The following THSD7A variants were observed in gnomAD, a reference collection of about 807,000 sequenced individuals.
THSD7A encodes thrombospondin type-1 domain-containing protein 7A.
Under a neutral mutation model 231.3 loss-of-function variants are expected in THSD7A, and 96 were observed. That is an observed-to-expected ratio of 0.41 (90% CI 0.35 to 0.49). The LOEUF (loss-of-function observed/expected upper bound fraction) is 0.49. THSD7A is among the 20% of genes least tolerant of loss of function. The probability of loss-of-function intolerance (pLI) is 0.05; values close to 1 mark genes in which losing one functional copy is unlikely to be tolerated. For synonymous variants in THSD7A, 940 were observed against 743.3 expected (o/e 1.26, Z -4.30); for missense variants, 2,290 against 2,070.2 (o/e 1.11, Z -2.06).
At chr7:11,426,550 A>G in intron 15 of THSD7A, 116 bp downstream of exon 15, 1 of 1,157,856 alleles carries the variant, frequency 8.6e-7, no homozygotes, top group Non-Finnish European at 1.2e-6. Context: ...AAAATATGAC[A>G]TTTTCTCCCT....
At chr7:11,403,827 C>T (rs1206583638) in intron 22 of THSD7A, among the ~76,000 whole-genome samples, 2 of 152,144 alleles carry the variant, frequency 1.3e-5, no homozygotes, top group Non-Finnish European at 2.9e-5. Flanking sequence ...TCTATTTTGA[C>T]CATGTAAACC....
chr7:11,460,802 C>CA lies in THSD7A; in HGVS notation c.2502-38dup, dbSNP rs1161615881. 3.9e-6 allele frequency: 6 copies of CA among 1,548,820 alleles called. No homozygotes were observed. The Admixed American group carries it at 7.2e-5, about 19-fold the overall frequency. ...GAACAGAAGCCCAGTGGGGAAGAAG[C>CA]AAAAATGCCAGCAAATCACAGAGAC... On this transcript the variant is annotated intron_variant, in intron 10 of 27. Transcript: ENST00000423059.
intron 1 of THSD7A, among the ~76,000 whole-genome samples, chr7:11,780,997 C>CAAAAAAAAAAAAAAA (rs58931693): frequency 4.9e-4 from 17 of 34,446 alleles, no homozygotes; most frequent in East Asian, 1.0e-3. Context: ...GACTCCGTCT[C>CAAAAAAAAAAAAAAA]AAAAAAAAAA....
intron 6 of THSD7A, among the ~76,000 whole-genome samples, chr7:11,537,567 T>G (rs909289390): frequency 2.6e-5 from 4 of 152,120 alleles, no homozygotes; most frequent in Non-Finnish European, 5.9e-5. Context: ...CCTTCCACCA[T>G]GAGTAAAAGC....
intron 4 of THSD7A, among the ~76,000 whole-genome samples, chr7:11,546,662 T>G (rs965822116): frequency 2.6e-5 from 4 of 152,136 alleles, no homozygotes; most frequent in African/African-American, 9.7e-5. Flanking sequence ...AAAGCCACAG[T>G]GCCTTATTAC....
At chr7:11,725,100 T>C (rs551665800) in intron 1 of THSD7A, among the ~76,000 whole-genome samples, 3 of 152,074 alleles carry the variant, frequency 2.0e-5, no homozygotes, top group South Asian at 2.1e-4. Flanking sequence ...ATAAGATTCA[T>C]TCAAAAAATA....
chr7:11,777,388 A>C (rs1246976747), intron 1 of THSD7A, among the ~76,000 whole-genome samples: 1 of 151,438 alleles, frequency 6.6e-6, no homozygotes, highest in Non-Finnish European at 1.5e-5. Context: ...AGTGTAAAAA[A>C]AACTATGTTT....
intron 7 of THSD7A, among the ~76,000 whole-genome samples, chr7:11,481,339 C>T (rs1786414326): frequency 6.6e-6 from 1 of 152,094 alleles, no homozygotes; most frequent in Non-Finnish European, 1.5e-5. Flanking sequence ...TTTGGTCGAA[C>T]AGTAGCTATT....
chr7:11,516,795 G>A (rs1293753126), intron 6 of THSD7A, among the ~76,000 whole-genome samples: 4 of 152,130 alleles, frequency 2.6e-5, no homozygotes, highest in Non-Finnish European at 5.9e-5. Context: ...GGCACCAGGT[G>A]TATTAAATAA....
intron 2 of THSD7A, among the ~76,000 whole-genome samples, chr7:11,605,788 T>C (rs1780715328): frequency 6.6e-6 from 1 of 152,084 alleles, no homozygotes; most frequent in African/African-American, 2.4e-5. Context: ...GCCCTCAGAA[T>C]TGCACTGCTG....
intron 8 of THSD7A, among the ~76,000 whole-genome samples, chr7:11,472,805 C>T (rs1236530699): frequency 6.6e-6 from 1 of 152,094 alleles, no homozygotes; most frequent in Non-Finnish European, 1.5e-5. Flanking sequence ...AACCGTGGGA[C>T]AGGAACAGAA....
At chr7:11,404,077 C>T (rs886609102) in intron 22 of THSD7A, among the ~76,000 whole-genome samples, 2 of 152,082 alleles carry the variant, frequency 1.3e-5, no homozygotes, top group Admixed American at 1.3e-4. Context: ...AATGTGTTTG[C>T]TCTATGTTAT....
At chr7:11,410,696 T>C (rs928158267) in intron 19 of THSD7A, among the ~76,000 whole-genome samples, 1 of 152,160 alleles carries the variant, frequency 6.6e-6, no homozygotes, top group Non-Finnish European at 1.5e-5. Context: ...AAGATAGTAA[T>C]GGCTGACTTC....
At chr7:11,804,609 C>T (rs1186372555) in intron 1 of THSD7A, among the ~76,000 whole-genome samples, 4 of 152,150 alleles carry the variant, frequency 2.6e-5, no homozygotes, top group East Asian at 1.9e-4. Flanking sequence ...ATTGACCAAC[C>T]TGTTTATGGC....
At position 11,418,012 on chromosome 7, in the gene THSD7A, C is replaced by T. The variant is rs147286060; in HGVS notation, c.3384-409G>A. ...CAATTTGGCATATAATGCATTTATT[C>T]TTCTCAAGAAAATGATGGATTTCAT... On this transcript the variant is annotated intron_variant, in intron 16 of 27. Coordinates refer to ENST00000423059, the MANE Select transcript of THSD7A (RefSeq NM_015204.3). Among the ~76,000 whole-genome samples, 84 of 152,240 alleles carry T rather than the reference C, an allele frequency of 5.5e-4. 2 individuals carry two copies. The East Asian group carries it at 0.016, about 29-fold the overall frequency.
chr7:11,571,313 T>C (rs1790619176), intron 4 of THSD7A, among the ~76,000 whole-genome samples: 1 of 152,190 alleles, frequency 6.6e-6, no homozygotes, highest in African/African-American at 2.4e-5. Context: ...AGGAACATGA[T>C]GTTCTCATTT....
At chr7:11,576,957 C>G (rs529756746) in intron 4 of THSD7A, among the ~76,000 whole-genome samples, 1 of 152,100 alleles carries the variant, frequency 6.6e-6, no homozygotes, top group African/African-American at 2.4e-5. Flanking sequence ...ATAGGGGAAG[C>G]GAGTATGCTT....
intron 4 of THSD7A, among the ~76,000 whole-genome samples, chr7:11,577,152 G>C (rs1486927322): frequency 6.6e-6 from 1 of 152,126 alleles, no homozygotes; most frequent in South Asian, 2.1e-4. Flanking sequence ...TTTGTAGAAG[G>C]CTTTGATAAA....
chr7:11,594,971 G>A (rs1178633271), intron 2 of THSD7A, among the ~76,000 whole-genome samples: 4 of 152,154 alleles, frequency 2.6e-5, no homozygotes, highest in Admixed American at 2.6e-4. Context: ...CACTGAGTTT[G>A]TAAACTCTGA....
Sources: allele counts gnomAD v4.1 joint callset (sites outside exome capture counted in the v4.1 genomes callset), GRCh38; gene constraint gnomAD v4.1.1; transcripts MANE v1.5; gene names NCBI Gene and HGNC (gene_info 2026-07-23, HGNC 2026-07-21).